PCSK2: variants seen among roughly 807,000 people sequenced by gnomAD.
The protein encoded by PCSK2 is neuroendocrine convertase 2.
PCSK2 carries 14 observed loss-of-function variants against 69.7 expected under a neutral mutation model. The observed-to-expected ratio is 0.20, with a 90% confidence interval of 0.13 to 0.31. The LOEUF (loss-of-function observed/expected upper bound fraction) is 0.31. Among genes scored for constraint, PCSK2 ranks in the 10% least tolerant of loss-of-function variants. PCSK2 has a pLI of 1.00. For synonymous variants in PCSK2, 307 were observed against 320.7 expected (o/e 0.96, Z 0.46); for missense variants, 544 against 842.5 (o/e 0.65, Z 4.39).
chr20:17,285,618 C>T (rs1988485515), intron 2 of PCSK2, among the ~76,000 whole-genome samples: 1 of 152,236 alleles, frequency 6.6e-6, no homozygotes. Flanking sequence ...GTATTTTGAG[C>T]TCCTGCTGCA....
chr20:17,329,508 T>G (rs1449602006), intron 2 of PCSK2, among the ~76,000 whole-genome samples: 1 of 152,210 alleles, frequency 6.6e-6, no homozygotes, highest in African/African-American at 2.4e-5. Context: ...CCCTACATGT[T>G]TCTCCACAAG....
rs924381993 is a variant in PCSK2, at chr20:17,381,810, T to C, written c.543+12533T>C. ...CAAGCATACACACACATATTCTTTC[T>C]CTATCATGTAAAGAATGTTCCAGAA... is the stretch of plus-strand genomic sequence containing the variant. On this transcript the variant is annotated intron_variant, in intron 5 of 11. Transcript: ENST00000262545. Among the ~76,000 whole-genome samples, 245 of 152,288 alleles carry C rather than the reference T, an allele frequency of 1.6e-3. 1 individual carries two copies. Among genetic ancestry groups the C allele is most frequent in the African/African-American group, 5.8e-3 (241 of 41,556 alleles).
At chr20:17,385,757 G>A (rs946285624) in intron 5 of PCSK2, among the ~76,000 whole-genome samples, 1 of 152,132 alleles carries the variant, frequency 6.6e-6, no homozygotes, top group African/African-American at 2.4e-5. Context: ...AAAAGTGAAG[G>A]AAGTCAATAC....
intron 1 of PCSK2, among the ~76,000 whole-genome samples, chr20:17,229,036 C>A (rs988014329): frequency 6.6e-6 from 1 of 152,092 alleles, no homozygotes; most frequent in Non-Finnish European, 1.5e-5. Flanking sequence ...CACTCCCCCC[C>A]ACCCCAAACT....
chr20:17,340,386 T>G (rs757749948), intron 2 of PCSK2, among the ~76,000 whole-genome samples: 3 of 152,370 alleles, frequency 2.0e-5, no homozygotes, highest in Non-Finnish European at 4.4e-5. Flanking sequence ...CTCTTTCTGG[T>G]AAAACTGCTA....
At chr20:17,450,396 T>C (rs2032800632) in intron 8 of PCSK2, among the ~76,000 whole-genome samples, 1 of 152,178 alleles carries the variant, frequency 6.6e-6, no homozygotes, top group South Asian at 2.1e-4. Context: ...CTGTGAAGAC[T>C]GAATAGGATA....
chr20:17,293,545 T>C (rs1352902369), intron 2 of PCSK2, among the ~76,000 whole-genome samples: 1 of 152,220 alleles, frequency 6.6e-6, no homozygotes, highest in Non-Finnish European at 1.5e-5. Context: ...ATCAACTATA[T>C]CAAGTATACT....
intron 2 of PCSK2, among the ~76,000 whole-genome samples, chr20:17,316,355 C>T (rs1989689154): frequency 2.6e-5 from 4 of 152,170 alleles, no homozygotes; most frequent in Admixed American, 2.6e-4. Flanking sequence ...AATTATATGT[C>T]TGTGTATGTA....
At chr20:17,476,472 A>G (rs891029776) in intron 11 of PCSK2, among the ~76,000 whole-genome samples, 1 of 152,240 alleles carries the variant, frequency 6.6e-6, no homozygotes, top group Non-Finnish European at 1.5e-5. Flanking sequence ...CATACTAGAG[A>G]TTATATATAT....
In PCSK2 at chr20:17,249,842, G is replaced by C. The variant is rs140868166; in HGVS notation, c.178-10398G>C. ...GAAAGGTGGATTCCAGGGCTGGGGG[G>C]GGAATGGAGAGTTACTGTGCAGTAG... On this transcript the variant is annotated intron_variant, in intron 1 of 11. Transcript: ENST00000262545. Among the ~76,000 whole-genome samples the C allele has an allele frequency of 2.2e-4, 34 of 152,118 alleles. No individual in the cohort carries two copies. In the Middle Eastern group the frequency reaches 0.01, roughly 46 times the overall value.
At chr20:17,256,355 A>C (rs1369393390) in intron 1 of PCSK2, among the ~76,000 whole-genome samples, 4 of 152,054 alleles carry the variant, frequency 2.6e-5, no homozygotes, top group Non-Finnish European at 5.9e-5. Flanking sequence ...GTGAATATTT[A>C]TAGTTATATA....
intron 2 of PCSK2, among the ~76,000 whole-genome samples, chr20:17,294,250 G>A (rs1019854255): frequency 1.3e-5 from 2 of 150,524 alleles, no homozygotes; most frequent in Admixed American, 6.6e-5. Flanking sequence ...GACTACAGGC[G>A]CCCGCCACCG....
In PCSK2 at chr20:17,429,505, T is replaced by C. The variant is rs1304786931; in HGVS notation, c.691T>C (p.Tyr231His). Residue 231 changes from tyrosine (Y) to histidine (H), a missense_variant, in exon 7 of 12, where the codon TAC (tyrosine) becomes CAC (histidine). Coordinates refer to ENST00000262545, the MANE Select transcript of PCSK2 (RefSeq NM_002594.5). ...NNNICGVGVA[Y>H]NSKVAGIRML... Reference sequence around the variant, plus strand: ...CAATATCTGTGGAGTTGGAGTAGCATACAACTCCAAGGTTGCAGGTAAGCC... The same window carrying C: ...CAATATCTGTGGAGTTGGAGTAGCACACAACTCCAAGGTTGCAGGTAAGCC... 3.7e-6 allele frequency: 6 copies of C among 1,612,970 alleles called. No homozygotes were observed. Among genetic ancestry groups the C allele is most frequent in the East Asian group, 2.2e-5 (1 of 44,894 alleles).
intron 2 of PCSK2, among the ~76,000 whole-genome samples, chr20:17,320,339 T>A (rs1427745712): frequency 6.6e-6 from 1 of 152,174 alleles, no homozygotes; most frequent in East Asian, 1.9e-4. Context: ...GTTCCCTTGG[T>A]CGCAAGACAC....
intron 8 of PCSK2, among the ~76,000 whole-genome samples, chr20:17,451,246 G>A (rs1452612446): frequency 6.6e-6 from 1 of 152,190 alleles, no homozygotes; most frequent in African/African-American, 2.4e-5. Flanking sequence ...TGCTCTCTGT[G>A]TAACAGTGAG....
At position 17,268,882 on chromosome 20, in the gene PCSK2, A is replaced by C. The variant is rs1987745400; in HGVS notation, c.282+8538A>C. ...TGGTGGAGGCAGTGAGAAACAAATC[A>C]GATCTGGGAGTATGTTGTGAAGGTA... On this transcript the variant is annotated intron_variant, in intron 2 of 11. Transcript: ENST00000262545. 7.2e-5 allele frequency among the ~76,000 whole-genome samples: 11 copies of C among 152,320 alleles called. 1 individual carries two copies. In the South Asian group the frequency reaches 2.3e-3, roughly 32 times the overall value.
chr20:17,259,990 A>C (rs1308008398), intron 1 of PCSK2, among the ~76,000 whole-genome samples: 1 of 152,170 alleles, frequency 6.6e-6, no homozygotes, highest in East Asian at 1.9e-4. Flanking sequence ...AAGTTAAAAA[A>C]TGGGGGAAAG....
intron 6 of PCSK2, among the ~76,000 whole-genome samples, chr20:17,422,476 G>T (rs1034590505): frequency 2.0e-5 from 3 of 152,046 alleles, no homozygotes; most frequent in African/African-American, 7.2e-5. Flanking sequence ...ACAATATAAA[G>T]ATATCATATC....
Position 17,449,258 on chromosome 20 carries a change from C to A in PCSK2, c.886-4484C>A, listed in dbSNP as rs1375042831. 1.3e-5 allele frequency among the ~76,000 whole-genome samples: 2 copies of A among 152,146 alleles called. 1 individual carries two copies. Among genetic ancestry groups the A allele is most frequent in the Non-Finnish European group, 2.9e-5 (2 of 68,024 alleles). On this transcript the variant is annotated intron_variant, in intron 8 of 11. Coordinates refer to ENST00000262545, the MANE Select transcript of PCSK2 (RefSeq NM_002594.5). ...GGATTAGGGTGGAGACCCCGCCCCC[C>A]AGCAGACAGCCCCACCCACAGTGCT...
Sources: allele counts gnomAD v4.1 joint callset (sites outside exome capture counted in the v4.1 genomes callset), GRCh38; gene constraint gnomAD v4.1.1; transcripts MANE v1.5; gene names NCBI Gene and HGNC (gene_info 2026-07-23, HGNC 2026-07-21).